The following SPTLC1 variants were observed in gnomAD, a reference collection of about 807,000 sequenced individuals.
SPTLC1 encodes serine palmitoyltransferase long chain base subunit 1, also known as serine palmitoyltransferase 1.
A neutral mutation model predicts 68.9 loss-of-function variants in SPTLC1; 55 were observed. The observed-to-expected ratio is 0.80, with a 90% CI of 0.64 to 1.00. The LOEUF (loss-of-function observed/expected upper bound fraction) is 1.00, where lower values mean the gene tolerates loss of function less well. Among genes scored for constraint, SPTLC1 ranks in the 50% least tolerant of loss-of-function variants. SPTLC1 has a pLI of 0.00. For missense variants in SPTLC1, 449 were observed against 573.1 expected (o/e 0.78, Z 2.21); for synonymous variants, 197 against 201.6 (o/e 0.98, Z 0.19).
chr9:92,100,008 A>G (rs542706888), intron 3 of SPTLC1, among the ~76,000 whole-genome samples: 1 of 152,064 alleles, frequency 6.6e-6, no homozygotes, highest in South Asian at 2.1e-4. Context: ...TGCCTAACAC[A>G]TTTCTCAGAA....
At chr9:92,112,873 C>T (rs145919327) in intron 1 of SPTLC1, among the ~76,000 whole-genome samples, 3 of 152,058 alleles carry the variant, frequency 2.0e-5, no homozygotes, top group African/African-American at 7.2e-5. Flanking sequence ...TTTGGGAGGC[C>T]AAGGTGGGCA....
intron 6 of SPTLC1, among the ~76,000 whole-genome samples, chr9:92,063,255 T>C (rs1834165181): frequency 1.3e-5 from 2 of 152,100 alleles, no homozygotes; most frequent in Admixed American, 1.3e-4. Flanking sequence ...CACATGTACA[T>C]CTGACAACTT....
chr9:92,115,067 C>T (rs546282563), intron 1 of SPTLC1: 2 of 576,378 alleles, frequency 3.5e-6, no homozygotes, highest in East Asian at 2.9e-5. Context: ...CTTTCCGGAG[C>T]TTCCAGGGGA....
intron 7 of SPTLC1, among the ~76,000 whole-genome samples, chr9:92,056,402 T>A (rs1472895929): frequency 1.3e-5 from 2 of 152,170 alleles, no homozygotes; most frequent in Non-Finnish European, 2.9e-5. Context: ...CTGATTTTTG[T>A]ATTTTTAGTA....
chr9:92,056,134 C>A (rs774336299), intron 7 of SPTLC1, among the ~76,000 whole-genome samples: 10 of 152,196 alleles, frequency 6.6e-5, no homozygotes, highest in Non-Finnish European at 1.2e-4. Context: ...AAGGGGCAAC[C>A]CTGTTCCCTC....
At chr9:92,107,241 T>TA (rs1836033087) in intron 3 of SPTLC1, among the ~76,000 whole-genome samples, 1 of 152,112 alleles carries the variant, frequency 6.6e-6, no homozygotes, top group Admixed American at 6.5e-5. Flanking sequence ...TATAAGGAGA[T>TA]ACGAATATAT....
At chr9:92,099,956 T>G (rs939702829) in intron 3 of SPTLC1, among the ~76,000 whole-genome samples, 67 of 152,150 alleles carry the variant, frequency 4.4e-4, no homozygotes, top group African/African-American at 1.6e-3. Flanking sequence ...CACATCTAGG[T>G]CTGTGTAAGT....
intron 8 of SPTLC1, among the ~76,000 whole-genome samples, chr9:92,054,412 C>T (rs1297725068): frequency 6.6e-6 from 1 of 152,198 alleles, no homozygotes; most frequent in East Asian, 1.9e-4. Context: ...AACATGGGTA[C>T]TCACTACCAA....
intron 3 of SPTLC1, among the ~76,000 whole-genome samples, chr9:92,086,504 C>A (rs1347985875): frequency 3.3e-5 from 5 of 151,888 alleles, no homozygotes; most frequent in African/African-American, 1.2e-4. Context: ...ACTTACGAAG[C>A]TTAGTTTGGC....
intron 5 of SPTLC1, among the ~76,000 whole-genome samples, chr9:92,078,271 C>T (rs752889195): frequency 3.3e-5 from 5 of 152,182 alleles, no homozygotes; most frequent in Non-Finnish European, 4.4e-5. Flanking sequence ...CATCAGATTA[C>T]AATCAACAAC....
chr9:92,036,811 T>C (rs943428518), intron 13 of SPTLC1, among the ~76,000 whole-genome samples: 8 of 152,268 alleles, frequency 5.3e-5, no homozygotes, highest in African/African-American at 1.9e-4. Context: ...GTTTTGTGTT[T>C]GTCTGTATTT....
chr9:92,091,988 CT>C (rs1410815316), intron 3 of SPTLC1, among the ~76,000 whole-genome samples: 3 of 152,126 alleles, frequency 2.0e-5, no homozygotes, highest in African/African-American at 7.2e-5. Context: ...CATTTCACAC[CT>C]TCAAACTAAA....
intron 9 of SPTLC1, among the ~76,000 whole-genome samples, chr9:92,049,368 C>T (rs531889991): frequency 6.6e-6 from 1 of 152,238 alleles, no homozygotes; most frequent in Non-Finnish European, 1.5e-5. Context: ...AGGAGCAAAA[C>T]CCACTAGGCA....
intron 5 of SPTLC1, among the ~76,000 whole-genome samples, chr9:92,077,888 C>G (rs1410498586): frequency 2.0e-5 from 3 of 152,118 alleles, no homozygotes; most frequent in Non-Finnish European, 4.4e-5. Context: ...TACTCTTTGT[C>G]TCACTCCCAT....
chr9:92,070,573 C>G (rs1564098921), intron 5 of SPTLC1, among the ~76,000 whole-genome samples: 1 of 152,142 alleles, frequency 6.6e-6, no homozygotes, highest in Non-Finnish European at 1.5e-5. Flanking sequence ...GGCTCCCTCA[C>G]CAGAACCTCA....
intron 14 of SPTLC1, 100 bp from the exon 15 acceptor site, chr9:92,032,658 C>T (rs1177993713): frequency 1.0e-5 from 15 of 1,485,550 alleles, no homozygotes; most frequent in East Asian, 4.6e-5. Context: ...AGGTGGATCA[C>T]GAGGTCAGGA....
At chr9:92,059,037 A>G in intron 7 of SPTLC1, 142 bp downstream of exon 7, 3 of 993,354 alleles carry the variant, frequency 3.0e-6, no homozygotes, top group Admixed American at 4.5e-5. Flanking sequence ...CTCCAACACC[A>G]AGTACATTTA....
At chr9:92,100,136 C>T (rs1466522286) in intron 3 of SPTLC1, among the ~76,000 whole-genome samples, 2 of 150,516 alleles carry the variant, frequency 1.3e-5, no homozygotes, top group Non-Finnish European at 2.9e-5. Context: ...AAAGGTAGGT[C>T]AGGTATGGGG....
chr9:92,078,908 A>T (rs753244160), intron 5 of SPTLC1, among the ~76,000 whole-genome samples: 2 of 152,224 alleles, frequency 1.3e-5, no homozygotes, highest in Non-Finnish European at 2.9e-5. Context: ...TACATTAAAA[A>T]ATCACAAAAG....
Sources: allele counts gnomAD v4.1 joint callset (sites outside exome capture counted in the v4.1 genomes callset), GRCh38; gene constraint gnomAD v4.1.1; transcripts MANE v1.5; gene names NCBI Gene and HGNC (gene_info 2026-07-23, HGNC 2026-07-21).